The following CCNT2 variants were observed in gnomAD, a reference collection of about 807,000 sequenced individuals.
CCNT2 encodes the protein cyclin-T2.
A neutral mutation model predicts 70.0 loss-of-function variants in CCNT2; 18 were observed. The observed-to-expected ratio is 0.26, with a 90% CI of 0.18 to 0.38. CCNT2 has a LOEUF of 0.38. CCNT2 is among the 10% of genes least tolerant of loss of function. The probability of loss-of-function intolerance (pLI) is 1.00; values close to 1 mark genes in which losing one functional copy is unlikely to be tolerated. For synonymous variants in CCNT2, 334 were observed against 313.3 expected (o/e 1.07, Z -0.70); for missense variants, 734 against 890.2 (o/e 0.82, Z 2.23).
chr2:134,958,175 C>G lies in CCNT2; in HGVS notation c.*3527C>G, dbSNP rs991446554. ...TAGATATTTCAGGGTTTTGCATTTT[C>G]TATAGACATGGGGACTTTTTTAACA... On this transcript the variant is annotated 3_prime_UTR_variant, in exon 9 of 9. Coordinates refer to ENST00000264157, the MANE Select transcript of CCNT2 (RefSeq NM_058241.3). 6.6e-6 allele frequency: 1 copy of G among 152,164 alleles called. No individual in the cohort carries two copies. Among genetic ancestry groups the G allele is most frequent in the African/African-American group, 2.4e-5 (1 of 41,452 alleles). 9.4% of individuals were successfully genotyped at this position (152,164 alleles called of 1,614,324 possible).
intron 5 of CCNT2, chr2:134,942,898 T>G: frequency 7.5e-7 from 1 of 1,328,672 alleles, no homozygotes; most frequent in East Asian, 3.0e-5. Context: ...CTCATTTCAC[T>G]AAAACTCCGG....
chr2:134,931,262 C>CTTGTTTTTTTTTTTTTTTTTTTTTTTTT (rs1680737473), intron 2 of CCNT2, among the ~76,000 whole-genome samples: 1 of 42,418 alleles, frequency 2.4e-5, no homozygotes, highest in African/African-American at 7.9e-5. Flanking sequence ...ATGCCCGGAT[C>CTTGTTTTTTTTTTTTTTTTTTTTTTTTT]TTTTTTTTTT....
intron 2 of CCNT2, among the ~76,000 whole-genome samples, chr2:134,933,608 TATC>T (rs1457781791): frequency 1.3e-5 from 2 of 152,142 alleles, no homozygotes; most frequent in Non-Finnish European, 2.9e-5. Flanking sequence ...TAATGTCAAA[TATC>T]ATAAATTCAG....
chr2:134,952,827 C>A, intron 8 of CCNT2, 116 bp downstream of exon 8: 1 of 737,666 alleles, frequency 1.4e-6, no homozygotes, highest in Non-Finnish European at 2.3e-6. Context: ...AATAATTCAA[C>A]GTATCTCAAG....
At chr2:134,949,811 G>GGGGGGGGGA (rs548269716) in intron 7 of CCNT2, among the ~76,000 whole-genome samples, 1 of 130,676 alleles carries the variant, frequency 7.7e-6, no homozygotes, top group African/African-American at 2.8e-5. Context: ...TCGGGGGGGG[G>GGGGGGGGGA]GTGGGGGACA....
chr2:134,919,892 G>A lies in CCNT2; in HGVS notation c.240+1G>A. On this transcript the variant is annotated splice_donor_variant, in intron 2 of 8. Transcript: ENST00000264157. LOFTEE classifies it high-confidence loss of function. ...TTCTTTCACCAAATTCAACAAAAAT[G>A]TAAGTACTAGTTGTCTGTTTTTACT... is the stretch of plus-strand genomic sequence containing the variant. 1 of 1,583,538 alleles carries A rather than the reference G, an allele frequency of 6.3e-7. No individual in the cohort carries two copies. The highest frequency in any genetic ancestry group is 8.6e-7 in the Non-Finnish European group (1 of 1,166,976).
intron 5 of CCNT2, chr2:134,945,341 A>G: frequency 1.0e-6 from 1 of 985,412 alleles, no homozygotes; most frequent in African/African-American, 1.7e-5. Context: ...AAGGGAAACT[A>G]TAACAAGAGC....
Position 134,938,993 on chromosome 2 carries a change from A to T in CCNT2, c.370-9A>T. ...TTTTAATCAATTTGATAATATTTTT[A>T]TCTGACAGGCTTACCTTCAACAGAC... On this transcript the variant is annotated splice_polypyrimidine_tract_variant and intron_variant, in intron 3 of 8. Coordinates refer to ENST00000264157, the MANE Select transcript of CCNT2 (RefSeq NM_058241.3). 1 of 1,582,284 alleles carries T rather than the reference A, an allele frequency of 6.3e-7. No individual in the cohort carries two copies. The highest frequency in any genetic ancestry group is 2.2e-5 in the East Asian group (1 of 44,552).
intron 5 of CCNT2, chr2:134,944,637 T>C (rs1424434062): frequency 7.0e-5 from 69 of 982,226 alleles, no homozygotes; most frequent in Non-Finnish European, 8.1e-5. Context: ...AAAATGTGAC[T>C]GATTCTTTGA....
intron 5 of CCNT2, chr2:134,943,596 A>G (rs554578472): frequency 1.0e-6 from 1 of 984,884 alleles, no homozygotes; most frequent in African/African-American, 1.7e-5. Context: ...TATAAACAGG[A>G]GTACTTTTTA....
chr2:134,927,148 T>A (rs1361210976), intron 2 of CCNT2, among the ~76,000 whole-genome samples: 3 of 152,218 alleles, frequency 2.0e-5, no homozygotes, highest in Non-Finnish European at 4.4e-5. Context: ...ATTGATTTTC[T>A]CAAATTAATT....
intron 5 of CCNT2, chr2:134,945,547 A>T (rs546063141): frequency 1.0e-6 from 1 of 985,252 alleles, no homozygotes; most frequent in African/African-American, 1.7e-5. Flanking sequence ...AGCCTCCTGT[A>T]TCTGTACCCG....
chr2:134,932,383 A>G (rs919217570), intron 2 of CCNT2, among the ~76,000 whole-genome samples: 1 of 152,138 alleles, frequency 6.6e-6, no homozygotes, highest in African/African-American at 2.4e-5. Context: ...TATGTTAACC[A>G]TTTTCAGTAT....
chr2:134,919,872 T>G lies in CCNT2; in HGVS notation c.221T>G (p.Phe74Cys), dbSNP rs749979609. 1 of 1,610,110 alleles carries G rather than the reference T, an allele frequency of 6.2e-7. No individual in the cohort carries two copies. Among genetic ancestry groups the G allele is most frequent in the Non-Finnish European group, 8.5e-7 (1 of 1,178,690 alleles). Reference protein sequence around the residue: ...YMHRFYMHHSFTKFNKNIISS... With the variant: ...YMHRFYMHHSCTKFNKNIISS... ...CACAGGTTTTATATGCACCATTCTT[T>G]CACCAAATTCAACAAAAATGTAAGT... The change falls in exon 2 of 9, where the codon TTC (phenylalanine) becomes TGC (cysteine). Residue 74 changes from phenylalanine to cysteine, a missense_variant. Physicochemically the swap from Phe to Cys is radical, Grantham distance 205 (BLOSUM62 -2). Around this residue, in one of 3 missense-constraint regions of CCNT2, gnomAD observed 161 missense variants for 303.8 expected, o/e 0.53. Coordinates refer to ENST00000264157, the MANE Select transcript of CCNT2 (RefSeq NM_058241.3).
At chr2:134,926,604 C>G (rs1424090329) in intron 2 of CCNT2, among the ~76,000 whole-genome samples, 1 of 152,202 alleles carries the variant, frequency 6.6e-6, no homozygotes, top group Non-Finnish European at 1.5e-5. Flanking sequence ...CTGCTCTTCT[C>G]ACATTGGCCT....
chr2:134,934,611 T>C (rs776607255), intron 2 of CCNT2, among the ~76,000 whole-genome samples: 19 of 152,216 alleles, frequency 1.2e-4, no homozygotes, highest in Middle Eastern at 3.2e-3. Context: ...AAAAGGTGTT[T>C]TGTTTTGTTT....
chr2:134,951,653 C>G (rs1682511745), intron 7 of CCNT2, among the ~76,000 whole-genome samples: 2 of 151,944 alleles, frequency 1.3e-5, no homozygotes, highest in Admixed American at 6.6e-5. Flanking sequence ...CCAGCCTGGT[C>G]AACATAGCGA....
chr2:134,953,708 A>T lies in CCNT2; in HGVS notation c.1253A>T (p.Lys418Ile), dbSNP rs888035726. The T allele has an allele frequency of 8.7e-6, 14 of 1,613,970 alleles. No homozygotes were observed. Among genetic ancestry groups the T allele is most frequent in the Non-Finnish European group, 1.2e-5 (14 of 1,179,948 alleles). The change falls in exon 9 of 9, where the codon AAA (lysine) becomes ATA (isoleucine). Residue 418 changes from lysine to isoleucine, a missense_variant. Around this residue, in one of 3 missense-constraint regions of CCNT2, gnomAD observed 532 missense variants for 556.9 expected, o/e 0.96. Transcript: ENST00000264157. ...TATACTCATAAAGCAGGGAGCAGTA[A>T]ACACCATGGGCCAATTTCCACTACT... ...QEYTHKAGSSKHHGPISTTPG... is the reference protein window; with the variant it reads ...QEYTHKAGSSIHHGPISTTPG...
At chr2:134,946,625 C>T (rs1468941051) in intron 6 of CCNT2, among the ~76,000 whole-genome samples, 1 of 149,564 alleles carries the variant, frequency 6.7e-6, no homozygotes, top group African/African-American at 2.5e-5. Flanking sequence ...CCACTAGTAG[C>T]AAGTTAAAAG....
Sources: allele counts gnomAD v4.1 joint callset (sites outside exome capture counted in the v4.1 genomes callset), GRCh38; gene constraint gnomAD v4.1.1; regional missense constraint gnomAD v4.1.1; transcripts MANE v1.5; gene names NCBI Gene and HGNC (gene_info 2026-07-23, HGNC 2026-07-21).